Variants in PTPRD observed in about 807,000 individuals in gnomAD.
The protein encoded by PTPRD is receptor-type tyrosine-protein phosphatase delta.
In PTPRD, 34 loss-of-function variants were observed where a neutral mutation model predicts 214.5. The ratio of observed to expected loss-of-function variants is 0.16; its 90% CI spans 0.12 to 0.21. The LOEUF (loss-of-function observed/expected upper bound fraction) is 0.21, where lower values mean the gene tolerates loss of function less well. PTPRD is among the 10% of genes least tolerant of loss of function. PTPRD has a pLI of 1.00. For synonymous variants in PTPRD, 1,128 were observed against 845.7 expected (o/e 1.33, Z -5.79); for missense variants, 2,545 against 2,398.7 (o/e 1.06, Z -1.27).
chr9:8,944,043 A>G (rs533154133), intron 11 of PTPRD, among the ~76,000 whole-genome samples: 2 of 152,206 alleles, frequency 1.3e-5, no homozygotes, highest in South Asian at 2.1e-4. Context: ...GAGCTCAAAC[A>G]ACTAAGTAGG....
At chr9:10,257,701 C>A (rs1032098577) in intron 3 of PTPRD, among the ~76,000 whole-genome samples, 2 of 152,102 alleles carry the variant, frequency 1.3e-5, no homozygotes, top group Non-Finnish European at 2.9e-5. Flanking sequence ...GGCGCTCAAC[C>A]CACTAACCAC....
intron 3 of PTPRD, among the ~76,000 whole-genome samples, chr9:10,226,977 A>G (rs2099590985): frequency 1.3e-5 from 2 of 152,026 alleles, no homozygotes; most frequent in African/African-American, 4.8e-5. Flanking sequence ...TTTGTAGAGG[A>G]CTGATGAAAT....
chr9:8,578,951 AATTTATAAATGTATTAAGCTGG>A (rs1394138353), intron 14 of PTPRD, among the ~76,000 whole-genome samples: 16 of 152,312 alleles, frequency 1.1e-4, no homozygotes, highest in African/African-American at 3.6e-4. Context: ...CACTGATCTC[AATTTATAAATGTATTAAGCTGG>A]ATTTATAAAT....
chr9:10,509,682 C>T (rs2784589), intron 2 of PTPRD, among the ~76,000 whole-genome samples: 3 of 149,478 alleles, frequency 2.0e-5, no homozygotes, highest in South Asian at 2.1e-4. Flanking sequence ...TGCACTCTTA[C>T]GATTGACTGT....
intron 2 of PTPRD, among the ~76,000 whole-genome samples, chr9:10,439,204 G>A (rs967959720): frequency 1.3e-5 from 2 of 150,828 alleles, no homozygotes; most frequent in African/African-American, 2.5e-5. Context: ...TTCAGACTCC[G>A]GCATGTTTTG....
Position 8,507,284 on chromosome 9 carries a change from A to C in PTPRD, c.1677+17T>G, listed in dbSNP as rs1176686940. On this transcript the variant is annotated intron_variant, in intron 22 of 45. Transcript: ENST00000381196. ...CGTAATGAATAATTCCCAAGGTGAG[A>C]AGCACTATAGTCTTACCTCCTCTCC... 8 of 1,608,188 alleles carry C rather than the reference A, an allele frequency of 5.0e-6. No individual in the cohort carries two copies. In the East Asian group the frequency reaches 1.1e-4, roughly 22 times the overall value.
At chr9:9,384,115 C>CT (rs551878195) in intron 9 of PTPRD, among the ~76,000 whole-genome samples, 5,744 of 147,506 alleles carry the variant, frequency 0.039, 311 homozygotes, top group African/African-American at 0.12. Flanking sequence ...TTTTCACATA[C>CT]TTTTTTTTTT....
intron 12 of PTPRD, among the ~76,000 whole-genome samples, chr9:8,706,685 AT>A (rs1171743740): frequency 2.0e-5 from 3 of 152,226 alleles, no homozygotes; most frequent in Non-Finnish European, 4.4e-5. Context: ...TTTGATGGAA[AT>A]TCACAGTCTC....
chr9:8,608,882 A>C lies in PTPRD; in HGVS notation c.352+24435T>G, dbSNP rs528080562. Among the ~76,000 whole-genome samples, 4 of 152,322 alleles carry C rather than the reference A, an allele frequency of 2.6e-5. No homozygotes were observed. The East Asian group carries it at 7.7e-4, about 29-fold the overall frequency. ...ACAATTGGGAAAGGATAAGTGGCCCAAAGAGAGTGAATCAGCACAAGTCAA... is the reference window on the plus strand; with the variant it reads ...ACAATTGGGAAAGGATAAGTGGCCCCAAGAGAGTGAATCAGCACAAGTCAA... On this transcript the variant is annotated intron_variant, in intron 14 of 45. Transcript: ENST00000381196.
intron 5 of PTPRD, among the ~76,000 whole-genome samples, chr9:9,789,259 A>C (rs576437059): frequency 1.3e-5 from 2 of 152,304 alleles, no homozygotes; most frequent in South Asian, 4.1e-4. Flanking sequence ...CATCCAAGGT[A>C]AGCATCATCA....
At chr9:10,176,575 G>C (rs1401669186) in intron 3 of PTPRD, among the ~76,000 whole-genome samples, 1 of 151,952 alleles carries the variant, frequency 6.6e-6, no homozygotes, top group East Asian at 1.9e-4. Context: ...TAGTAAAAGT[G>C]ATTGGAAAAG....
At chr9:8,368,727 G>A (rs1025125156) in intron 39 of PTPRD, among the ~76,000 whole-genome samples, 7 of 143,396 alleles carry the variant, frequency 4.9e-5, no homozygotes, top group African/African-American at 1.6e-4. Flanking sequence ...TTTGGCAGAA[G>A]GAAGATATTT....
intron 9 of PTPRD, among the ~76,000 whole-genome samples, chr9:9,197,383 C>A (rs961048556): frequency 6.6e-6 from 1 of 152,144 alleles, no homozygotes; most frequent in African/African-American, 2.4e-5. Context: ...TGCACTGACA[C>A]TCTAACACAC....
intron 9 of PTPRD, among the ~76,000 whole-genome samples, chr9:9,233,627 T>A (rs2099964574): frequency 6.6e-6 from 1 of 152,238 alleles, no homozygotes; most frequent in South Asian, 2.1e-4. Flanking sequence ...GCAAGTTAGT[T>A]ACTTCCTATA....
At chr9:9,948,094 C>G (rs956547816) in intron 4 of PTPRD, among the ~76,000 whole-genome samples, 2 of 151,850 alleles carry the variant, frequency 1.3e-5, no homozygotes, top group Non-Finnish European at 2.9e-5. Flanking sequence ...GAAGAGTAGT[C>G]AAGATTTTTA....
intron 35 of PTPRD, among the ~76,000 whole-genome samples, chr9:8,436,172 TAG>T (rs1053929746): frequency 9.2e-5 from 14 of 152,016 alleles, no homozygotes; most frequent in Non-Finnish European, 1.9e-4. Flanking sequence ...CAGTAGATAA[TAG>T]AGTGGTGATT....
intron 10 of PTPRD, among the ~76,000 whole-genome samples, chr9:9,069,073 T>C (rs1382942427): frequency 6.6e-6 from 1 of 152,200 alleles, no homozygotes; most frequent in Non-Finnish European, 1.5e-5. Flanking sequence ...TATGCTTTTA[T>C]TCAATAAGAC....
intron 11 of PTPRD, among the ~76,000 whole-genome samples, chr9:9,016,370 C>G (rs1051936696): frequency 6.6e-6 from 1 of 152,126 alleles, no homozygotes; most frequent in African/African-American, 2.4e-5. Flanking sequence ...CCAATTCTTT[C>G]TCTTTTCTCT....
chr9:8,545,333 C>T (rs150393077), intron 14 of PTPRD, among the ~76,000 whole-genome samples: 37 of 152,236 alleles, frequency 2.4e-4, no homozygotes, highest in African/African-American at 8.9e-4. Context: ...CCAAATGGAA[C>T]CTGTAACAGA....
Sources: gnomAD v4.1 joint callset for allele counts (sites outside exome capture counted in the v4.1 genomes callset) on GRCh38, gnomAD v4.1.1 for gene constraint, MANE v1.5 for transcripts, NCBI Gene and HGNC (gene_info 2026-07-23, HGNC 2026-07-21) for gene names.